UHRF2: variants seen among roughly 807,000 people sequenced by gnomAD.
UHRF2 encodes E3 ubiquitin-protein ligase UHRF2.
Under a neutral mutation model 96.8 loss-of-function variants are expected in UHRF2, and 23 were observed. The ratio of observed to expected loss-of-function variants is 0.24; its 90% confidence interval spans 0.17 to 0.34. The LOEUF is 0.34. UHRF2 is among the 10% of genes least tolerant of loss of function. UHRF2 has a pLI of 1.00. For synonymous variants in UHRF2, 385 were observed against 332.6 expected (o/e 1.16, Z -1.72); for missense variants, 685 against 981.5 (o/e 0.70, Z 4.04).
chr9:6,469,878 C>T (rs1823135071), intron 4 of UHRF2, among the ~76,000 whole-genome samples: 1 of 151,558 alleles, frequency 6.6e-6, no homozygotes, highest in Admixed American at 6.6e-5. Flanking sequence ...CCCAAAATTT[C>T]CAAAACTGAT....
intron 3 of UHRF2, among the ~76,000 whole-genome samples, chr9:6,434,595 C>A (rs1037311923): frequency 6.6e-6 from 1 of 151,844 alleles, no homozygotes; most frequent in Non-Finnish European, 1.5e-5. Context: ...CATATCACCA[C>A]GCCTGATTAA....
At chr9:6,483,601 G>C (rs1824063085) in intron 8 of UHRF2, among the ~76,000 whole-genome samples, 1 of 152,160 alleles carries the variant, frequency 6.6e-6, no homozygotes, top group African/African-American at 2.4e-5. Context: ...TGGGCCAACT[G>C]TAATACATAA....
chr9:6,451,230 G>C (rs1189035920), intron 3 of UHRF2, among the ~76,000 whole-genome samples: 1 of 152,042 alleles, frequency 6.6e-6, no homozygotes, highest in Non-Finnish European at 1.5e-5. Flanking sequence ...TAGTGAACTT[G>C]GTGTGCTTTC....
intron 9 of UHRF2, among the ~76,000 whole-genome samples, chr9:6,490,255 G>T (rs979084529): frequency 2.0e-5 from 3 of 152,198 alleles, no homozygotes; most frequent in African/African-American, 7.2e-5. Context: ...TGGAGAAGAT[G>T]ATTACATTAA....
chr9:6,422,692 CT>C, intron 2 of UHRF2: 1 of 592,410 alleles, frequency 1.7e-6, no homozygotes, highest in African/African-American at 1.9e-5. Flanking sequence ...TCGCTGTAGC[CT>C]TGACCTGCTG....
At chr9:6,473,375 T>C (rs998381851) in intron 4 of UHRF2, among the ~76,000 whole-genome samples, 1 of 152,230 alleles carries the variant, frequency 6.6e-6, no homozygotes, top group Non-Finnish European at 1.5e-5. Context: ...ATCTTTGTTA[T>C]ATGAGCTATA....
chr9:6,480,602 C>T (rs113310143), intron 6 of UHRF2, among the ~76,000 whole-genome samples: 43 of 152,298 alleles, frequency 2.8e-4, no homozygotes, highest in African/African-American at 1.0e-3. Context: ...TTAACCTGTG[C>T]ACTAATTTTC....
At chr9:6,498,207 C>T (rs916488613) in intron 12 of UHRF2, 49 bp downstream of exon 12, 55 of 1,581,542 alleles carry the variant, frequency 3.5e-5, no homozygotes, top group Non-Finnish European at 4.6e-5. Context: ...AAAATATACA[C>T]CTCTTCTATC....
intron 3 of UHRF2, among the ~76,000 whole-genome samples, chr9:6,458,742 A>T (rs1486328098): frequency 6.6e-6 from 1 of 152,220 alleles, no homozygotes; most frequent in Non-Finnish European, 1.5e-5. Context: ...ATTATAAATC[A>T]TTCTACTATA....
At chr9:6,432,703 G>A (rs1820621986) in intron 2 of UHRF2, among the ~76,000 whole-genome samples, 4 of 152,072 alleles carry the variant, frequency 2.6e-5, no homozygotes, top group Admixed American at 2.6e-4. Flanking sequence ...CCTTAAGAGT[G>A]GTGTCTTCTC....
chr9:6,414,611 G>C (rs370333181), intron 1 of UHRF2, among the ~76,000 whole-genome samples: 3 of 152,166 alleles, frequency 2.0e-5, no homozygotes, highest in African/African-American at 7.2e-5. Context: ...ACACTAAAAA[G>C]TTGGCATCCT....
chr9:6,472,205 C>G (rs1823284549), intron 4 of UHRF2, among the ~76,000 whole-genome samples: 1 of 152,168 alleles, frequency 6.6e-6, no homozygotes, highest in Admixed American at 6.5e-5. Flanking sequence ...ATTTTAGTCT[C>G]CAGAATTTTG....
intron 3 of UHRF2, among the ~76,000 whole-genome samples, chr9:6,435,909 C>G (rs1820821927): frequency 6.6e-6 from 1 of 152,232 alleles, no homozygotes; most frequent in Admixed American, 6.5e-5. Flanking sequence ...ACGACCGGCC[C>G]AAAATAGGTT....
At chr9:6,445,981 C>CTTTGTTTTTTTTTTTTTTTT (rs751155835) in intron 3 of UHRF2, among the ~76,000 whole-genome samples, 24 of 78,902 alleles carry the variant, frequency 3.0e-4, no homozygotes, top group African/African-American at 8.9e-4. Flanking sequence ...CCCCGCCACC[C>CTTTGTTTTTTTTTTTTTTTT]TTTTTTTTTT....
chr9:6,416,071 G>A (rs1359497833), intron 1 of UHRF2, among the ~76,000 whole-genome samples: 2 of 151,850 alleles, frequency 1.3e-5, no homozygotes, highest in African/African-American at 4.8e-5. Context: ...TTTTGTTGTT[G>A]TTTTTGTTTT....
chr9:6,460,038 C>G (rs117776336), intron 3 of UHRF2, among the ~76,000 whole-genome samples: 3 of 152,280 alleles, frequency 2.0e-5, no homozygotes, highest in East Asian at 1.9e-4. Flanking sequence ...ATCACCCTCC[C>G]CAGTCCCCTA....
chr9:6,452,006 C>T (rs901526308), intron 3 of UHRF2, among the ~76,000 whole-genome samples: 3 of 151,820 alleles, frequency 2.0e-5, no homozygotes, highest in Non-Finnish European at 4.4e-5. Context: ...GCCATATACC[C>T]ATATCTAGTG....
rs1325726850 is a variant in UHRF2, at chr9:6,413,343, G to C, written c.-148G>C. Reference sequence around the variant, plus strand: ...CGCTGAGAGTCGTCGCCGCCTGTCGGGCCCGGCGTCCGGTCGGTCCGGTGG... The same window carrying C: ...CGCTGAGAGTCGTCGCCGCCTGTCGCGCCCGGCGTCCGGTCGGTCCGGTGG... On this transcript the variant is annotated 5_prime_UTR_variant, in exon 1 of 16. Transcript: ENST00000276893. 1.3e-6 allele frequency: 1 copy of C among 756,416 alleles called. No individual in the cohort carries two copies. Among genetic ancestry groups the C allele is most frequent in the East Asian group, 5.6e-5 (1 of 17,710 alleles). The allele number at this position is 756,416 out of a possible 1,614,324, so 46.9% of individuals were successfully genotyped here. A position where few individuals can be genotyped will look rare whatever the true frequency, so the allele number is the denominator to read the frequency against.
chr9:6,503,646 T>C (rs985828753), intron 14 of UHRF2, among the ~76,000 whole-genome samples: 2 of 152,090 alleles, frequency 1.3e-5, no homozygotes, highest in Non-Finnish European at 2.9e-5. Flanking sequence ...TATTGTTTCC[T>C]AGTGTTTTTT....
Sources: allele counts gnomAD v4.1 joint callset (sites outside exome capture counted in the v4.1 genomes callset), GRCh38; gene constraint gnomAD v4.1.1; transcripts MANE v1.5; gene names NCBI Gene and HGNC (gene_info 2026-07-23, HGNC 2026-07-21).